AKAP7: variants seen among roughly 807,000 people sequenced by gnomAD.
The protein encoded by AKAP7 is A kinase (PRKA) anchor protein 7.
In AKAP7, 39 loss-of-function variants were observed where a neutral mutation model predicts 39.5. That is an observed-to-expected ratio of 0.99 (90% confidence interval 0.76 to 1.29). The LOEUF (loss-of-function observed/expected upper bound fraction) is 1.29. Ranked by LOEUF, AKAP7 falls within the 50% of genes most tolerant of loss-of-function variation. AKAP7 has a pLI of 0.00. For synonymous variants in AKAP7, 140 were observed against 139.1 expected (o/e 1.01, Z -0.05); for missense variants, 414 against 407.7 (o/e 1.02, Z -0.13).
chr6:131,187,483 T>C (rs1210641849), intron 5 of AKAP7, among the ~76,000 whole-genome samples: 9 of 152,178 alleles, frequency 5.9e-5, no homozygotes, highest in Non-Finnish European at 4.4e-5. Context: ...TTATTTCAAG[T>C]GTCACTTTAA....
Position 131,135,683 on chromosome 6 carries a change from G to C in AKAP7, c.-81G>C. On this transcript the variant is annotated 5_prime_UTR_variant, in exon 1 of 8. Transcript: ENST00000431975. Reference sequence around the variant, plus strand: ...CGAGCCCCGCCCTGGCCTCCGCCTCGGCCTCGCCTCCAGCCCCGGGACGCG... The same window carrying C: ...CGAGCCCCGCCCTGGCCTCCGCCTCCGCCTCGCCTCCAGCCCCGGGACGCG... 4 of 1,116,312 alleles carry C rather than the reference G, an allele frequency of 3.6e-6. No homozygotes were observed. The highest frequency in any genetic ancestry group is 4.8e-5 in the East Asian group (1 of 20,680). 69.2% of individuals were successfully genotyped at this position (1,116,312 alleles called of 1,614,324 possible). A position where few individuals can be genotyped will look rare whatever the true frequency, so the allele number is the denominator to read the frequency against.
chr6:131,135,636 C>T lies in AKAP7; in HGVS notation c.-128C>T, dbSNP rs553599339. 4.6e-3 allele frequency: 3,954 copies of T among 861,358 alleles called. 6 individuals carry two copies. The highest frequency in any genetic ancestry group is 5.2e-3 in the Non-Finnish European group (3,688 of 711,800). 53.4% of individuals were successfully genotyped at this position (861,358 alleles called of 1,614,324 possible). The stretch of plus-strand genomic sequence containing the variant: ...GCCTGTCGCTGGACCCCGCGCCGGC[C>T]CAGCGCACCGCCCTCAGGCCCCGAG... On this transcript the variant is annotated 5_prime_UTR_variant, in exon 1 of 8. Transcript: ENST00000431975.
intron 4 of AKAP7, among the ~76,000 whole-genome samples, chr6:131,168,623 A>G (rs1181672053): frequency 6.6e-6 from 1 of 152,234 alleles, no homozygotes; most frequent in Non-Finnish European, 1.5e-5. Context: ...TAAGTATAGC[A>G]AATTATCTAA....
intron 5 of AKAP7, among the ~76,000 whole-genome samples, chr6:131,188,469 T>C (rs899001098): frequency 4.6e-5 from 7 of 152,158 alleles, no homozygotes; most frequent in Admixed American, 1.3e-4. Flanking sequence ...GTAGAAAGTA[T>C]CTTGCAATTG....
intron 7 of AKAP7, among the ~76,000 whole-genome samples, chr6:131,276,463 C>T (rs954235961): frequency 3.3e-5 from 5 of 151,812 alleles, no homozygotes; most frequent in Non-Finnish European, 5.9e-5. Flanking sequence ...GCAAGGCAGC[C>T]GAGTATGCCA....
At chr6:131,228,277 A>G (rs1283896808) in intron 7 of AKAP7, among the ~76,000 whole-genome samples, 1 of 152,190 alleles carries the variant, frequency 6.6e-6, no homozygotes, top group East Asian at 1.9e-4. Flanking sequence ...GAATCCTTAA[A>G]CCTGGACCTT....
intron 7 of AKAP7, among the ~76,000 whole-genome samples, chr6:131,268,299 T>G (rs13206072): frequency 0.14 from 21,158 of 152,222 alleles, 1,863 homozygotes; most frequent in Middle Eastern, 0.28. Context: ...GAGGGAATTA[T>G]CAGTTTCCAT....
At chr6:131,164,303 C>T (rs931744187) in intron 3 of AKAP7, 1 of 449,844 alleles carries the variant, frequency 2.2e-6, no homozygotes, top group African/African-American at 2.0e-5. Flanking sequence ...TGTATTCAGA[C>T]TACTTTCAAA....
chr6:131,216,040 T>C (rs1241860841), intron 6 of AKAP7, among the ~76,000 whole-genome samples: 2 of 152,194 alleles, frequency 1.3e-5, no homozygotes, highest in African/African-American at 4.8e-5. Context: ...TGAAGCCTGT[T>C]TATATTTTCA....
chr6:131,162,076 A>G (rs1448890490), intron 3 of AKAP7, among the ~76,000 whole-genome samples: 1 of 152,118 alleles, frequency 6.6e-6, no homozygotes, highest in African/African-American at 2.4e-5. Flanking sequence ...ACTGAGCAGC[A>G]TCTCTGCATC....
chr6:131,136,934 A>G, intron 1 of AKAP7: 2 of 876,076 alleles, frequency 2.3e-6, no homozygotes, highest in Non-Finnish European at 2.7e-6. Flanking sequence ...AAACTTATTT[A>G]TGTATGTACT....
chr6:131,134,642 C>A (rs1225197082), upstream of AKAP7, among the ~76,000 whole-genome samples: 1 of 152,194 alleles, frequency 6.6e-6, no homozygotes, highest in Non-Finnish European at 1.5e-5. Context: ...CATAAATGGG[C>A]ATCAGAAACT....
At chr6:131,265,327 G>A in intron 7 of AKAP7, among the ~76,000 whole-genome samples, 1 of 152,122 alleles carries the variant, frequency 6.6e-6, no homozygotes, top group Non-Finnish European at 1.5e-5. Context: ...TAGAGATGGG[G>A]TTTCGCCATG....
chr6:131,216,799 T>A (rs950607174), intron 6 of AKAP7, among the ~76,000 whole-genome samples: 3 of 152,182 alleles, frequency 2.0e-5, no homozygotes, highest in South Asian at 4.1e-4. Context: ...AATATGAAGC[T>A]CTTAAAAATA....
At chr6:131,259,314 T>C (rs1187446435) in intron 7 of AKAP7, among the ~76,000 whole-genome samples, 2 of 152,026 alleles carry the variant, frequency 1.3e-5, no homozygotes, top group Non-Finnish European at 2.9e-5. Context: ...TCAGACTTTG[T>C]TTAGAGTACT....
chr6:131,264,069 T>G (rs1813581234), intron 7 of AKAP7, among the ~76,000 whole-genome samples: 1 of 152,190 alleles, frequency 6.6e-6, no homozygotes, highest in Non-Finnish European at 1.5e-5. Context: ...TTTGCTCTAT[T>G]TTTTATGCCA....
chr6:131,226,559 CTG>C (rs1278299002), intron 7 of AKAP7, among the ~76,000 whole-genome samples: 13 of 152,214 alleles, frequency 8.5e-5, no homozygotes, highest in African/African-American at 3.1e-4. Context: ...AAGCTGTTCT[CTG>C]TGAGCTACTT....
chr6:131,198,600 T>C (rs904082423), intron 5 of AKAP7, among the ~76,000 whole-genome samples: 1 of 152,184 alleles, frequency 6.6e-6, no homozygotes, highest in African/African-American at 2.4e-5. Context: ...CTGTTCTTTT[T>C]ACCTAATGTC....
intron 2 of AKAP7, among the ~76,000 whole-genome samples, chr6:131,146,274 T>C (rs1364117448): frequency 6.6e-6 from 1 of 152,164 alleles, no homozygotes; most frequent in East Asian, 1.9e-4. Flanking sequence ...GCAACAATGC[T>C]TACTTGATTG....
Sources: gnomAD v4.1 joint callset for allele counts (sites outside exome capture counted in the v4.1 genomes callset) on GRCh38, gnomAD v4.1.1 for gene constraint, MANE v1.5 for transcripts, NCBI Gene and HGNC (gene_info 2026-07-23, HGNC 2026-07-21) for gene names.